The following AVEN variants were observed in gnomAD, a reference collection of about 807,000 sequenced individuals.
AVEN encodes the protein apoptosis and caspase activation inhibitor.
A neutral mutation model predicts 38.1 loss-of-function variants in AVEN; 41 were observed. That is an observed-to-expected ratio of 1.08 (90% CI 0.84 to 1.40). AVEN has a LOEUF of 1.40. Ranked by LOEUF, AVEN falls within the 40% of genes most tolerant of loss-of-function variation. The probability of loss-of-function intolerance (pLI) is 0.00; values close to 1 mark genes in which losing one functional copy is unlikely to be tolerated. For missense variants in AVEN, 605 were observed against 438.8 expected, an observed-to-expected ratio of 1.38 and a Z score of -3.38; for synonymous variants, 206 against 171.8, an observed-to-expected ratio of 1.20 and a Z score of -1.56.
chr15:33,900,194 G>A (rs1266929997), intron 2 of AVEN, among the ~76,000 whole-genome samples: 6 of 151,884 alleles, frequency 4.0e-5, no homozygotes, highest in Admixed American at 3.9e-4. Context: ...AAACCCTTCA[G>A]AATCTAGAAG....
At chr15:33,865,287 T>TCC, downstream of AVEN, 1 of 1,192,490 alleles carries the variant, frequency 8.4e-7, no homozygotes, top group Non-Finnish European at 1.2e-6. Flanking sequence ...TAAAGTCCCC[T>TCC]TTTTACAGTT....
At chr15:34,019,703 C>A (rs1188589540) in intron 1 of AVEN, among the ~76,000 whole-genome samples, 2 of 152,198 alleles carry the variant, frequency 1.3e-5, no homozygotes, top group South Asian at 2.1e-4. Flanking sequence ...TCTACAGTAT[C>A]CAGTACCGTA....
chr15:33,908,833 G>T (rs928608585), intron 2 of AVEN, among the ~76,000 whole-genome samples: 1 of 152,074 alleles, frequency 6.6e-6, no homozygotes, highest in African/African-American at 2.4e-5. Context: ...AGAGGGCTGG[G>T]GCTTGATTCA....
intron 1 of AVEN, among the ~76,000 whole-genome samples, chr15:34,036,717 A>C (rs568403037): frequency 1.3e-5 from 2 of 152,292 alleles, no homozygotes; most frequent in East Asian, 3.9e-4. Context: ...GATAAGACCA[A>C]CTCGACAAAA....
chr15:33,859,852 C>G, intron 11 of AVEN: 3 of 1,121,028 alleles, frequency 2.7e-6, no homozygotes, highest in Non-Finnish European at 3.8e-6. Context: ...GTTAATTTAG[C>G]AAGAACTAAT....
chr15:33,906,114 A>G (rs1435510190), intron 2 of AVEN, among the ~76,000 whole-genome samples: 3 of 152,236 alleles, frequency 2.0e-5, no homozygotes. Context: ...TTACCTAAGA[A>G]CAGGTCTACG....
intron 2 of AVEN, among the ~76,000 whole-genome samples, chr15:33,986,643 C>G (rs949028244): frequency 9.0e-6 from 1 of 111,556 alleles, no homozygotes; most frequent in Non-Finnish European, 2.2e-5. Flanking sequence ...GACCATAAGG[C>G]TCTATATCAG....
chr15:33,861,027 C>A (rs141669462), intron 11 of AVEN: 1 of 1,315,072 alleles, frequency 7.6e-7, no homozygotes, highest in Middle Eastern at 1.8e-4. Context: ...AGTTTTCTCT[C>A]CTGCCTATAT....
At chr15:34,046,728 A>C (rs945843992) in intron 5 of AVEN, 2 of 152,258 alleles carry the variant, frequency 1.3e-5, no homozygotes, top group South Asian at 4.1e-4. Context: ...CAGCGCCTTC[A>C]ACTGAAATAT....
At chr15:33,865,898 AC>A (rs1295084054), downstream of AVEN, 2 of 152,356 alleles carry the variant, frequency 1.3e-5, no homozygotes, top group African/African-American at 4.8e-5. Flanking sequence ...GGTTATTCAT[AC>A]AAGTTTTTTT....
In AVEN at chr15:34,007,552, A is replaced by G. The variant is rs924740773; in HGVS notation, c.268-4343T>C. ...TATTTCTACCAACAGTATCTTCAAG[A>G]CAACGTAGGCTGCTTCTATCATGCA... On this transcript the variant is annotated intron_variant, in intron 1 of 5. Transcript: ENST00000306730. Among the ~76,000 whole-genome samples the G allele has an allele frequency of 3.3e-5, 5 of 152,156 alleles. No individual in the cohort carries two copies. In the East Asian group the frequency reaches 9.6e-4, roughly 29 times the overall value.
chr15:34,027,528 C>A (rs374268673), intron 1 of AVEN, among the ~76,000 whole-genome samples: 206 of 132,520 alleles, frequency 1.6e-3, no homozygotes, highest in Admixed American at 2.2e-3. Context: ...GACTCTGTCT[C>A]AAAAAAAAAA....
chr15:33,854,622 TAGC>T (rs1160596949), downstream of AVEN: 1 of 1,150,778 alleles, frequency 8.7e-7, no homozygotes, highest in Non-Finnish European at 1.2e-6. Context: ...GGGGCTCACT[TAGC>T]AGATCTTGGG....
intron 2 of AVEN, among the ~76,000 whole-genome samples, chr15:33,902,318 T>C (rs35294204): frequency 0.013 from 1,959 of 152,286 alleles, 27 homozygotes; most frequent in Non-Finnish European, 0.018. Context: ...ATTAACAGAA[T>C]GAAAGATTTA....
intron 2 of AVEN, among the ~76,000 whole-genome samples, chr15:33,954,102 A>G (rs1239679387): frequency 6.6e-6 from 1 of 152,230 alleles, no homozygotes; most frequent in East Asian, 1.9e-4. Context: ...CCACAATGAG[A>G]TACCATCTCA....
chr15:34,024,003 G>C (rs1413279866), intron 1 of AVEN, among the ~76,000 whole-genome samples: 1 of 152,112 alleles, frequency 6.6e-6, no homozygotes, highest in Admixed American at 6.6e-5. Context: ...GGTTTTAATC[G>C]TAACAGGAAA....
At chr15:34,064,379 G>A in intron 4 of AVEN, 1 of 1,488,136 alleles carries the variant, frequency 6.7e-7, no homozygotes, top group Non-Finnish European at 9.0e-7. Context: ...GGATGAGCAA[G>A]CTGATTCTGG....
At chr15:34,062,399 C>G (rs1200768941) in intron 5 of AVEN, among the ~76,000 whole-genome samples, 2 of 151,656 alleles carry the variant, frequency 1.3e-5, no homozygotes, top group African/African-American at 4.8e-5. Flanking sequence ...ACTAAAAATA[C>G]AAAAAAATAG....
At chr15:33,927,220 A>G (rs1221809041) in intron 2 of AVEN, among the ~76,000 whole-genome samples, 1 of 151,818 alleles carries the variant, frequency 6.6e-6, no homozygotes, top group South Asian at 2.1e-4. Context: ...ATGCCACTGC[A>G]CTCCAGCCTG....
Sources: allele counts gnomAD v4.1 joint callset (sites outside exome capture counted in the v4.1 genomes callset), GRCh38; gene constraint gnomAD v4.1.1; transcripts MANE v1.5; gene names NCBI Gene and HGNC (gene_info 2026-07-23, HGNC 2026-07-21).